Variants in AVIL observed in about 807,000 individuals in gnomAD.
AVIL encodes the protein advillin.
Under a neutral mutation model 109.9 loss-of-function variants are expected in AVIL, and 78 were observed. The observed-to-expected ratio is 0.71, with a 90% CI of 0.59 to 0.86. The LOEUF is 0.86. AVIL is among the 40% of genes least tolerant of loss of function. AVIL has a pLI of 0.00. For missense variants in AVIL, 892 were observed against 1,016.5 expected (o/e 0.88, Z 1.67); for synonymous variants, 367 against 379.1 (o/e 0.97, Z 0.37).
intron 19 of AVIL, 152 bp downstream of exon 19, chr12:57,799,643 C>T: frequency 1.0e-6 from 1 of 998,992 alleles, no homozygotes; most frequent in South Asian, 1.6e-5. Flanking sequence ...CAAGAAAGAA[C>T]CCTGGTTTTT....
chr12:57,803,203 G>A (rs1461108271), intron 16 of AVIL, 44 bp downstream of exon 16: 1 of 1,612,154 alleles, frequency 6.2e-7, no homozygotes, highest in Admixed American at 1.7e-5. Flanking sequence ...AACCCTTACT[G>A]TGGGAGTCTT....
Position 57,809,875 on chromosome 12 carries a change from A to C in AVIL, c.777T>G (p.Ala259=), listed in dbSNP as rs200605407. 6.2e-7 allele frequency: 1 copy of C among 1,614,210 alleles called. No individual in the cohort carries two copies. The highest frequency in any genetic ancestry group is 1.3e-5 in the African/African-American group (1 of 75,052). The change falls in exon 8 of 20, where the codon GCT becomes GCG. Residue 259 remains alanine, a synonymous_variant. Coordinates refer to ENST00000549994, the MANE Select transcript of AVIL (RefSeq NM_006576.4). ...TIMLYHISDS[A]GQLAVTEVAT... ...CTACCTCTGTGACTGCCAGCTGCCC[A>C]GCTGAATCTGAGATACTGGAGAAGG...
rs145448503 is a variant in AVIL at position 57,797,560 on chromosome 12, A to G, written c.*322T>C. 28 of 915,240 alleles carry G rather than the reference A, an allele frequency of 3.1e-5. No homozygotes were observed. The highest frequency in any genetic ancestry group is 3.0e-4 in the Admixed American group (5 of 16,494). The allele number at this position is 915,240 out of a possible 1,614,324, so 56.7% of individuals were successfully genotyped here. The stretch of plus-strand genomic sequence containing the variant: ...TAGGTCCTGGTATAATATTAAACAT[A>G]AAGTTATTAAACATTTTAAGCATTG... On this transcript the variant is annotated 3_prime_UTR_variant, in exon 20 of 20. Transcript: ENST00000549994.
chr12:57,807,764 G>T, intron 11 of AVIL, 37 bp from the exon 12 acceptor site: 5 of 1,613,702 alleles, frequency 3.1e-6, no homozygotes, highest in Non-Finnish European at 4.2e-6. Context: ...CCAGAGATGG[G>T]GGTGCTGAGA....
Position 57,802,261 on chromosome 12 carries a change from T to C in AVIL, c.2050A>G (p.Ser684Gly), listed in dbSNP as rs1418302797. ...ATTGGTGTGTCGGGATCTCGGCCGC[T>C]GGGGTGAGTGTGCAGGTACTGCTGT... ...TAQQYLHTHP[S>G]GRDPDTPILI... is the part of the protein sequence containing the mutation. Residue 684 changes from serine to glycine, a missense_variant, in exon 17 of 20, where the codon AGC (serine) becomes GGC (glycine). By Grantham distance (56) the Ser-to-Gly change is moderately conservative (BLOSUM62 0). Coordinates refer to ENST00000549994, the MANE Select transcript of AVIL (RefSeq NM_006576.4). 6 of 1,614,086 alleles carry C rather than the reference T, an allele frequency of 3.7e-6. No homozygotes were observed. Among genetic ancestry groups the C allele is most frequent in the African/African-American group, 2.7e-5 (2 of 75,036 alleles).
At position 57,803,564 on chromosome 12, in the gene AVIL, C is replaced by G. The variant is rs1955892399; in HGVS notation, c.1777G>C (p.Asp593His). Residue 593 changes from aspartate (D) to histidine (H), a missense_variant, in exon 15 of 20, where the codon GAC (aspartate) becomes CAC (histidine). Coordinates refer to ENST00000549994, the MANE Select transcript of AVIL (RefSeq NM_006576.4). ...AEGQEPAEFW[D>H]LLGGKTPYAN... ...TAGGGAGTTTTCCCTCCCAGTAGGT[C>G]CCAGAACTCGGCTGGCTCCTGGCCC... The G allele has an allele frequency of 6.2e-7, 1 of 1,614,150 alleles. No homozygotes were observed. Among genetic ancestry groups the G allele is most frequent in the Non-Finnish European group, 8.5e-7 (1 of 1,180,014 alleles).
Position 57,807,382 on chromosome 12 carries a change from C to G in AVIL, c.1440G>C (p.Thr480=), listed in dbSNP as rs749442772. 1.9e-6 allele frequency: 3 copies of G among 1,614,104 alleles called. No individual in the cohort carries two copies. The African/African-American group carries it at 4.0e-5, about 22-fold the overall frequency. The change falls in exon 13 of 20, where the codon ACG becomes ACC. Residue 480 remains threonine, a synonymous_variant. Coordinates refer to ENST00000549994, the MANE Select transcript of AVIL (RefSeq NM_006576.4). The part of the protein sequence containing the change: ...AAVQVRVRMG[T]EPRHFMAIFK... ...AGATGGCCATGAAGTGGCGTGGCTCCGTTCCCATCCTGACTCGAACCTGCA... is the reference window on the plus strand; with the variant it reads ...AGATGGCCATGAAGTGGCGTGGCTCGGTTCCCATCCTGACTCGAACCTGCA...
In AVIL at chr12:57,808,462, C is replaced by CAGCT; in HGVS notation, c.1022_1025dup (p.Phe343AlafsTer22). On this transcript the variant is annotated frameshift_variant, in exon 10 of 20. Coordinates refer to ENST00000549994, the MANE Select transcript of AVIL (RefSeq NM_006576.4). LOFTEE classifies it high-confidence loss of function. ...GGTCCTTTACTGACCACTTCTGGAA[C>CAGCT]AGCTGCTTGAACATGGCCGACTCAG... The CAGCT allele has an allele frequency of 6.2e-7, 1 of 1,614,202 alleles. No homozygotes were observed. Among genetic ancestry groups the CAGCT allele is most frequent in the Non-Finnish European group, 8.5e-7 (1 of 1,180,024 alleles).
Position 57,799,858 on chromosome 12 carries a change from T to G in AVIL, c.2283A>C (p.Ile761=). ...GATTCTGGTTTTTCAACAGAACTGC[T>G]ATAGGGTAATATTTTGGCTCACTGT... ...SNDSEPKYYP[I]AVLLKNQNQE... is the part of the protein sequence containing the mutation. Residue 761 remains isoleucine (I), a synonymous_variant, in exon 19 of 20, where the codon ATA becomes ATC. Transcript: ENST00000549994. The G allele has an allele frequency of 6.2e-7, 1 of 1,614,144 alleles. No individual in the cohort carries two copies. The highest frequency in any genetic ancestry group is 8.5e-7 in the Non-Finnish European group (1 of 1,179,998).
chr12:57,807,662 CCCAT>C lies in AVIL; in HGVS notation c.1256_1259del (p.Tyr419TrpfsTer13), dbSNP rs1222462076. 4.3e-6 allele frequency: 7 copies of C among 1,614,066 alleles called. No individual in the cohort carries two copies. In the African/African-American group the frequency reaches 9.3e-5, roughly 22 times the overall value. On this transcript the variant is annotated frameshift_variant, in exon 12 of 20. Transcript: ENST00000549994. LOFTEE classifies it high-confidence loss of function. ...TGTAGAGGACCAGATAACAGTCTCC[CCCAT>C]AAAAGAAGCCATACCATTGATACTC...
chr12:57,803,938 T>C, intron 14 of AVIL: 1 of 361,908 alleles, frequency 2.8e-6, no homozygotes, highest in Non-Finnish European at 4.9e-6. Flanking sequence ...TTTAGGCACC[T>C]ACTTTTGATT....
chr12:57,816,183 C>T, intron 1 of AVIL, 124 bp from the exon 2 acceptor site: 1 of 725,532 alleles, frequency 1.4e-6, no homozygotes, highest in Non-Finnish European at 2.2e-6. Flanking sequence ...CATGGTGCAT[C>T]CCTGCACCAT....
At chr12:57,815,588 A>C in intron 2 of AVIL, 1 of 1,265,358 alleles carries the variant, frequency 7.9e-7, no homozygotes, top group Non-Finnish European at 1.0e-6. Flanking sequence ...CTCTCCCCAT[A>C]TTTTGTAGGA....
rs1323508830 is a variant in AVIL, at chr12:57,808,456, C to T, written c.1032G>A (p.Gln344=). ...TGGTCTGGTCCTTTACTGACCACTT[C>T]TGGAACAGCTGCTTGAACATGGCCG... ...AESAMFKQLF[Q]KWSVKDQTMG... The change falls in exon 10 of 20, where the codon CAG becomes CAA. Residue 344 remains glutamine, a synonymous_variant. Coordinates refer to ENST00000549994, the MANE Select transcript of AVIL (RefSeq NM_006576.4). 1.2e-6 allele frequency: 2 copies of T among 1,614,198 alleles called. No homozygotes were observed. Among genetic ancestry groups the T allele is most frequent in the Admixed American group, 3.3e-5 (2 of 60,024 alleles).
At chr12:57,818,182 C>CGTTTTTT (rs1956119834) in intron 1 of AVIL, among the ~76,000 whole-genome samples, 1 of 35,256 alleles carries the variant, frequency 2.8e-5, no homozygotes, top group African/African-American at 9.2e-5. Context: ...CCATGCTTGG[C>CGTTTTTT]TTTTTTTTTT....
At chr12:57,818,182 C>CTTTTTTGTTTTTTTTTTT (rs1956120113) in intron 1 of AVIL, among the ~76,000 whole-genome samples, 1 of 35,256 alleles carries the variant, frequency 2.8e-5, no homozygotes, top group Non-Finnish European at 5.3e-5. Context: ...CCATGCTTGG[C>CTTTTTTGTTTTTTTTTTT]TTTTTTTTTT....
chr12:57,813,970 A>T (rs1330220884), intron 3 of AVIL, among the ~76,000 whole-genome samples, 182 bp downstream of exon 3: 1 of 152,160 alleles, frequency 6.6e-6, no homozygotes, highest in Non-Finnish European at 1.5e-5. Flanking sequence ...TGCAGCATTA[A>T]AAACCCAGGC....
chr12:57,811,941 G>A (rs745981457), intron 4 of AVIL, among the ~76,000 whole-genome samples: 8 of 151,952 alleles, frequency 5.3e-5, no homozygotes, highest in South Asian at 2.1e-4. Context: ...TCCCCAATAC[G>A]CTTCCATTCT....
intron 5 of AVIL, 45 bp downstream of exon 5, chr12:57,810,974 G>A (rs1412708973): frequency 1.2e-6 from 2 of 1,613,862 alleles, no homozygotes; most frequent in Admixed American, 3.3e-5. Context: ...TTAGGTGCCA[G>A]GTGGAGAAGC....
Sources: allele counts gnomAD v4.1 joint callset (sites outside exome capture counted in the v4.1 genomes callset), GRCh38; gene constraint gnomAD v4.1.1; transcripts MANE v1.5; gene names NCBI Gene and HGNC (gene_info 2026-07-23, HGNC 2026-07-21).